The following BTBD10 variants were observed in gnomAD, a reference collection of about 807,000 sequenced individuals.
BTBD10 encodes the protein BTB domain containing 10.
BTBD10 carries 21 observed loss-of-function variants against 53.2 expected under a neutral mutation model. The ratio of observed to expected loss-of-function variants is 0.39; its 90% CI spans 0.28 to 0.57. The LOEUF is 0.57. Ranked by LOEUF, BTBD10 falls within the 20% of genes least tolerant of loss-of-function variation. BTBD10 has a pLI of 0.53. For missense variants in BTBD10, 360 were observed against 594.7 expected (o/e 0.61, Z 4.10); for synonymous variants, 149 against 192.7 (o/e 0.77, Z 1.88).
In BTBD10 at chr11:13,388,863, G is replaced by A; in HGVS notation, c.1396C>T (p.Leu466Phe). The A allele has an allele frequency of 6.2e-7, 1 of 1,613,940 alleles. No homozygotes were observed. The highest frequency in any genetic ancestry group is 8.5e-7 in the Non-Finnish European group (1 of 1,179,858). Reference sequence around the variant, plus strand: ...ATTGGATTCTGTGCATCAGGATCGAGGTCACTGTTGCCAGAAGGGGGATGG... The same window carrying A: ...ATTGGATTCTGTGCATCAGGATCGAAGTCACTGTTGCCAGAAGGGGGATGG... ...PIHPPSGNSD[L>F]DPDAQNPML is the part of the protein sequence containing the mutation. The change falls in exon 9 of 9, where the codon CTC becomes TTC. Residue 466 changes from leucine (L) to phenylalanine (F), a missense_variant. Transcript: ENST00000278174.
chr11:13,443,598 T>C (rs1235389377), intron 2 of BTBD10, among the ~76,000 whole-genome samples: 1 of 146,816 alleles, frequency 6.8e-6, no homozygotes, highest in East Asian at 2.0e-4. Flanking sequence ...ATAAAACCAA[T>C]ACTTTTTTTT....
At chr11:13,462,066 C>T (rs1951113305) in intron 1 of BTBD10, among the ~76,000 whole-genome samples, 1 of 151,966 alleles carries the variant, frequency 6.6e-6, no homozygotes, top group African/African-American at 2.4e-5. Flanking sequence ...CCTGGACAGG[C>T]TCTCTAATAC....
At chr11:13,411,917 C>T (rs1949958573) in intron 6 of BTBD10, among the ~76,000 whole-genome samples, 1 of 151,844 alleles carries the variant, frequency 6.6e-6, no homozygotes, top group African/African-American at 2.4e-5. Context: ...CCACAACCTC[C>T]ACCTCCCGTG....
At chr11:13,439,955 C>A in intron 2 of BTBD10, 1 of 1,534,904 alleles carries the variant, frequency 6.5e-7, no homozygotes, top group Non-Finnish European at 8.7e-7. Flanking sequence ...TATAAAGGGA[C>A]TCTGCTCTTT....
chr11:13,397,539 C>T (rs1949588476), intron 8 of BTBD10, among the ~76,000 whole-genome samples: 1 of 152,154 alleles, frequency 6.6e-6, no homozygotes, highest in African/African-American at 2.4e-5. Flanking sequence ...GTCTCTATCT[C>T]CTTCAATTCT....
intron 2 of BTBD10, among the ~76,000 whole-genome samples, chr11:13,437,065 G>A (rs557533385): frequency 6.6e-6 from 1 of 152,306 alleles, no homozygotes; most frequent in South Asian, 2.1e-4. Flanking sequence ...TTACAGGCGT[G>A]AGACATCACG....
At chr11:13,411,659 A>G (rs1402018421) in intron 6 of BTBD10, among the ~76,000 whole-genome samples, 2 of 152,202 alleles carry the variant, frequency 1.3e-5, no homozygotes, top group African/African-American at 4.8e-5. Context: ...TACGCACAAC[A>G]AAAGATTGCA....
chr11:13,448,270 G>C (rs1868050), intron 1 of BTBD10, among the ~76,000 whole-genome samples: 150,891 of 152,272 alleles, frequency 0.99, 74,775 homozygotes, highest in Middle Eastern at 1. Flanking sequence ...TATTCAAGTT[G>C]TACTGTTGCC....
intron 2 of BTBD10, among the ~76,000 whole-genome samples, chr11:13,444,384 A>T (rs1448804166): frequency 6.6e-6 from 1 of 152,166 alleles, no homozygotes; most frequent in Non-Finnish European, 1.5e-5. Flanking sequence ...GAGGTTTCTG[A>T]GTTGTCAATT....
rs1044432 is a variant in BTBD10, at chr11:13,388,251, A to T, written c.*580T>A. 24,132 of 153,078 alleles carry T rather than the reference A, an allele frequency of 0.16. 2,090 individuals carry two copies. The highest frequency in any genetic ancestry group is 0.24 in the Admixed American group (3,694 of 15,366). The allele number at this position is 153,078 out of a possible 1,614,324, so 9.5% of individuals were successfully genotyped here. ...TAAAGGGTGAAATGGCTCTGGAGAT[A>T]ACTGAACTGGTAAGATATGGGCATT... On this transcript the variant is annotated 3_prime_UTR_variant, in exon 9 of 9. Transcript: ENST00000278174.
At chr11:13,449,103 CT>C (rs1458065135) in intron 1 of BTBD10, among the ~76,000 whole-genome samples, 1 of 152,086 alleles carries the variant, frequency 6.6e-6, no homozygotes, top group Non-Finnish European at 1.5e-5. Flanking sequence ...CTTGGACATT[CT>C]GTCTAAACAG....
At chr11:13,424,725 CTT>C (rs1308450818) in intron 2 of BTBD10, among the ~76,000 whole-genome samples, 1 of 152,118 alleles carries the variant, frequency 6.6e-6, no homozygotes, top group Non-Finnish European at 1.5e-5. Flanking sequence ...AGTTCATACT[CTT>C]GTCTGAAACA....
At chr11:13,405,904 G>T (rs777619639) in intron 6 of BTBD10, 48 bp from the exon 7 acceptor site, 90 of 1,571,122 alleles carry the variant, frequency 5.7e-5, no homozygotes, top group Non-Finnish European at 7.6e-5. Flanking sequence ...TTCCTAAAAA[G>T]AGTTCTTTTA....
intron 2 of BTBD10, chr11:13,440,385 T>C (rs1054142571): frequency 3.0e-4 from 258 of 862,932 alleles, no homozygotes; most frequent in Non-Finnish European, 3.4e-4. Flanking sequence ...GATATGTAGA[T>C]ATGTTGCCAA....
At chr11:13,437,226 A>AT (rs1950559887) in intron 2 of BTBD10, among the ~76,000 whole-genome samples, 1 of 152,178 alleles carries the variant, frequency 6.6e-6, no homozygotes, top group South Asian at 2.1e-4. Context: ...ATTGAAATGG[A>AT]TTTTTTAGGG....
chr11:13,413,151 G>A (rs1363584228), intron 6 of BTBD10, among the ~76,000 whole-genome samples: 3 of 152,040 alleles, frequency 2.0e-5, no homozygotes, highest in East Asian at 1.9e-4. Context: ...ATTATCACAC[G>A]TGGTAATACA....
At chr11:13,451,238 G>C (rs927152718) in intron 1 of BTBD10, among the ~76,000 whole-genome samples, 1 of 152,164 alleles carries the variant, frequency 6.6e-6, no homozygotes, top group African/African-American at 2.4e-5. Context: ...CTCTGCCCTT[G>C]AAAGCTGCAT....
intron 8 of BTBD10, among the ~76,000 whole-genome samples, chr11:13,397,545 A>G (rs1370618944): frequency 1.3e-5 from 2 of 151,758 alleles, no homozygotes; most frequent in South Asian, 2.1e-4. Flanking sequence ...ATCTCCTTCA[A>G]TTCTGCTCTG....
intron 3 of BTBD10, among the ~76,000 whole-genome samples, chr11:13,420,002 C>T (rs1950210944): frequency 6.6e-6 from 1 of 152,052 alleles, no homozygotes; most frequent in Non-Finnish European, 1.5e-5. Flanking sequence ...CTAATGCTAA[C>T]CCAAACTAAC....
Sources: gnomAD v4.1 joint callset for allele counts (sites outside exome capture counted in the v4.1 genomes callset) on GRCh38, gnomAD v4.1.1 for gene constraint, MANE v1.5 for transcripts, NCBI Gene and HGNC (gene_info 2026-07-23, HGNC 2026-07-21) for gene names.